Variants in KCNIP4 observed in about 807,000 individuals in gnomAD.
KCNIP4 encodes Kv channel-interacting protein 4.
KCNIP4 carries 12 observed loss-of-function variants against 34.0 expected under a neutral mutation model. That is an observed-to-expected ratio of 0.35 (90% CI 0.23 to 0.57). The LOEUF (loss-of-function observed/expected upper bound fraction) is 0.57, where lower values mean the gene tolerates loss of function less well. Among genes scored for constraint, KCNIP4 ranks in the 20% least tolerant of loss-of-function variants. KCNIP4 has a pLI of 0.83. For synonymous variants in KCNIP4, 124 were observed against 102.2 expected (o/e 1.21, Z -1.29); for missense variants, 238 against 311.7 (o/e 0.76, Z 1.78).
chr4:21,061,158 TA>T (rs1743885628), intron 1 of KCNIP4, among the ~76,000 whole-genome samples: 1 of 152,170 alleles, frequency 6.6e-6, no homozygotes, highest in Non-Finnish European at 1.5e-5. Flanking sequence ...CCCATTCTCT[TA>T]AAGATTAACA....
At chr4:21,240,312 C>T (rs906221929) in intron 1 of KCNIP4, among the ~76,000 whole-genome samples, 17 of 139,844 alleles carry the variant, frequency 1.2e-4, no homozygotes, top group African/African-American at 2.3e-4. Context: ...CAACATGGCA[C>T]ATGTATACAT....
intron 1 of KCNIP4, among the ~76,000 whole-genome samples, chr4:21,814,052 T>G (rs1049465391): frequency 1.6e-4 from 24 of 151,868 alleles, no homozygotes; most frequent in Admixed American, 1.2e-3. Context: ...GTCAAGCCGG[T>G]TTTTTTTAAT....
At chr4:21,424,941 T>G (rs1420165889) in intron 1 of KCNIP4, among the ~76,000 whole-genome samples, 1 of 152,220 alleles carries the variant, frequency 6.6e-6, no homozygotes, top group Non-Finnish European at 1.5e-5. Flanking sequence ...TATTTTTCAA[T>G]GATTCTTCAT....
At position 21,228,141 on chromosome 4, in the gene KCNIP4, C is replaced by T. The variant is rs1758537082; in HGVS notation, c.62-345432G>A. Among the ~76,000 whole-genome samples, 3 of 152,104 alleles carry T rather than the reference C, an allele frequency of 2.0e-5. No individual in the cohort carries two copies. In the South Asian group the frequency reaches 6.2e-4, roughly 32 times the overall value. On this transcript the variant is annotated intron_variant, in intron 1 of 8. Transcript: ENST00000382152. ...TGTGATTTGGCTCTGTGTCACCACCCAAATCTCATCTTGAATTTTAACCCC... is the reference window on the plus strand; with the variant it reads ...TGTGATTTGGCTCTGTGTCACCACCTAAATCTCATCTTGAATTTTAACCCC...
chr4:21,469,816 G>T (rs1730309547), intron 1 of KCNIP4, among the ~76,000 whole-genome samples: 1 of 152,080 alleles, frequency 6.6e-6, no homozygotes, highest in Admixed American at 6.6e-5. Flanking sequence ...TTAAAAAAAA[G>T]CTTAAAGGGC....
intron 1 of KCNIP4, among the ~76,000 whole-genome samples, chr4:21,912,007 T>A (rs1728361795): frequency 6.6e-6 from 1 of 152,174 alleles, no homozygotes; most frequent in Admixed American, 6.5e-5. Context: ...AATTAGGTGG[T>A]AACATTTCTT....
At chr4:21,149,755 A>G (rs756314075) in intron 1 of KCNIP4, among the ~76,000 whole-genome samples, 8 of 152,178 alleles carry the variant, frequency 5.3e-5, no homozygotes, top group Non-Finnish European at 8.8e-5. Flanking sequence ...TAAAGAAAAG[A>G]GGACGATGAG....
intron 1 of KCNIP4, among the ~76,000 whole-genome samples, chr4:21,390,553 A>C (rs1722471699): frequency 6.6e-6 from 1 of 152,194 alleles, no homozygotes; most frequent in Admixed American, 6.6e-5. Context: ...CATTTATTAA[A>C]TAGGGAATCC....
At chr4:21,434,771 G>GGA (rs1322647392) in intron 1 of KCNIP4, among the ~76,000 whole-genome samples, 5 of 128,744 alleles carry the variant, frequency 3.9e-5, no homozygotes, top group Non-Finnish European at 8.4e-5. Flanking sequence ...TCTGTGGGGG[G>GGA]AAAAAAAAAA....
intron 1 of KCNIP4, among the ~76,000 whole-genome samples, chr4:21,476,908 CTTACCTCCT>C (rs1731027731): frequency 6.6e-6 from 1 of 152,094 alleles, no homozygotes; most frequent in Non-Finnish European, 1.5e-5. Flanking sequence ...TCCGTCCTTG[CTTACCTCCT>C]TTAACAAATC....
At chr4:20,887,986 C>A (rs567908459) in intron 1 of KCNIP4, among the ~76,000 whole-genome samples, 1 of 151,976 alleles carries the variant, frequency 6.6e-6, no homozygotes, top group South Asian at 2.1e-4. Context: ...ATGATGCTTA[C>A]ATTTTACATG....
chr4:20,827,601 C>T (rs1414382978), intron 3 of KCNIP4, among the ~76,000 whole-genome samples: 1 of 152,116 alleles, frequency 6.6e-6, no homozygotes, highest in East Asian at 1.9e-4. Flanking sequence ...GCATCCAACA[C>T]TAACCATGTA....
intron 1 of KCNIP4, among the ~76,000 whole-genome samples, chr4:21,835,587 TTG>T (rs1350280751): frequency 4.0e-5 from 5 of 124,814 alleles, no homozygotes; most frequent in Non-Finnish European, 8.1e-5. Flanking sequence ...ACGTTTTTTT[TTG>T]TTAGTTTTTT....
intron 1 of KCNIP4, among the ~76,000 whole-genome samples, chr4:20,907,381 G>A (rs1430027388): frequency 6.6e-6 from 1 of 152,084 alleles, no homozygotes; most frequent in Non-Finnish European, 1.5e-5. Flanking sequence ...TGCAACTTTG[G>A]TTCAGTTATT....
At chr4:21,294,813 T>C (rs1763744570) in intron 1 of KCNIP4, among the ~76,000 whole-genome samples, 1 of 152,204 alleles carries the variant, frequency 6.6e-6, no homozygotes, top group Non-Finnish European at 1.5e-5. Flanking sequence ...TTAGTACATA[T>C]ACCTGGGATA....
chr4:21,798,648 A>C (rs1720797811), intron 1 of KCNIP4, among the ~76,000 whole-genome samples: 1 of 151,568 alleles, frequency 6.6e-6, no homozygotes, highest in African/African-American at 2.4e-5. Context: ...GAATGAGAAA[A>C]AAATAAGCTG....
chr4:21,509,793 T>C (rs16871290), intron 1 of KCNIP4, among the ~76,000 whole-genome samples: 10,958 of 152,166 alleles, frequency 0.072, 1,207 homozygotes, highest in African/African-American at 0.24. Context: ...TCCATTGCTG[T>C]TAGACTGTAA....
At chr4:21,007,044 A>G (rs185722631) in intron 1 of KCNIP4, among the ~76,000 whole-genome samples, 56 of 152,318 alleles carry the variant, frequency 3.7e-4, no homozygotes, top group African/African-American at 1.3e-3. Context: ...ACACTGTTTG[A>G]GTCAGTGGTT....
At chr4:21,896,671 C>G (rs2203276) in intron 1 of KCNIP4, among the ~76,000 whole-genome samples, 10 of 152,110 alleles carry the variant, frequency 6.6e-5, no homozygotes, top group African/African-American at 2.4e-4. Context: ...GCAATCCCAG[C>G]ACTTTGGGAG....
Sources: gnomAD v4.1 joint callset for allele counts (sites outside exome capture counted in the v4.1 genomes callset) on GRCh38, gnomAD v4.1.1 for gene constraint, MANE v1.5 for transcripts, NCBI Gene and HGNC (gene_info 2026-07-23, HGNC 2026-07-21) for gene names.